The following SGCZ variants were observed in gnomAD, a reference collection of about 807,000 sequenced individuals.
The protein encoded by SGCZ is zeta-sarcoglycan.
Under a neutral mutation model 41.3 loss-of-function variants are expected in SGCZ, and 40 were observed. That is an observed-to-expected ratio of 0.97 (90% CI 0.75 to 1.26). SGCZ has a LOEUF of 1.26. Ranked by LOEUF, SGCZ falls within the 50% of genes most tolerant of loss-of-function variation. The pLI, the probability that SGCZ is intolerant of heterozygous loss-of-function variation, is 0.00. For synonymous variants in SGCZ, 206 were observed against 137.5 expected (o/e 1.50, Z -3.49); for missense variants, 552 against 369.8 (o/e 1.49, Z -4.04).
intron 5 of SGCZ, among the ~76,000 whole-genome samples, chr8:14,157,650 A>G (rs1184519549): frequency 2.0e-5 from 3 of 152,102 alleles, no homozygotes; most frequent in African/African-American, 4.8e-5. Context: ...AGTACAGGAA[A>G]TGTGAATTGT....
chr8:14,510,717 C>A (rs1475221604), intron 2 of SGCZ, among the ~76,000 whole-genome samples: 1 of 152,160 alleles, frequency 6.6e-6, no homozygotes, highest in Non-Finnish European at 1.5e-5. Context: ...GGAAAAGAAT[C>A]TGTCTCTCCT....
chr8:14,172,472 G>C (rs1804416318), intron 4 of SGCZ, among the ~76,000 whole-genome samples: 1 of 152,116 alleles, frequency 6.6e-6, no homozygotes, highest in Non-Finnish European at 1.5e-5. Flanking sequence ...AAGGATTATT[G>C]GTTAACAGCA....
intron 1 of SGCZ, among the ~76,000 whole-genome samples, chr8:14,716,657 T>G (rs541097345): frequency 6.6e-6 from 1 of 152,254 alleles, no homozygotes; most frequent in Admixed American, 6.5e-5. Flanking sequence ...GGTTTCTTGC[T>G]GCACACATTT....
Position 14,432,635 on chromosome 8 carries a change from A to C in SGCZ, c.235-108431T>G, listed in dbSNP as rs886088534. On this transcript the variant is annotated intron_variant, in intron 2 of 7. Transcript: ENST00000382080. ...AAATCCCTACTAAAGAACTTACAGCAGGGCGCATTGGCTCACGCCTGTAAT... is the reference window on the plus strand; with the variant it reads ...AAATCCCTACTAAAGAACTTACAGCCGGGCGCATTGGCTCACGCCTGTAAT... Among the ~76,000 whole-genome samples, 13 of 152,176 alleles carry C rather than the reference A, an allele frequency of 8.5e-5. No homozygotes were observed. The East Asian group carries it at 9.7e-4, about 11-fold the overall frequency.
chr8:15,016,173 C>T (rs1803025924), intron 1 of SGCZ, among the ~76,000 whole-genome samples: 1 of 152,170 alleles, frequency 6.6e-6, no homozygotes, highest in Non-Finnish European at 1.5e-5. Context: ...TGGAATTCCT[C>T]TGGAAGCGCC....
At chr8:14,593,826 T>C (rs559664066) in intron 1 of SGCZ, among the ~76,000 whole-genome samples, 1 of 152,126 alleles carries the variant, frequency 6.6e-6, no homozygotes, top group South Asian at 2.1e-4. Context: ...ATTTGAGAAG[T>C]CAGCAGTTTT....
At chr8:14,595,763 G>C (rs1185927413) in intron 1 of SGCZ, among the ~76,000 whole-genome samples, 3 of 152,118 alleles carry the variant, frequency 2.0e-5, no homozygotes, top group Non-Finnish European at 2.9e-5. Context: ...TTCCATAATA[G>C]CTTACAGGGA....
At chr8:14,808,286 G>A (rs1361459210) in intron 1 of SGCZ, among the ~76,000 whole-genome samples, 1 of 152,094 alleles carries the variant, frequency 6.6e-6, no homozygotes, top group African/African-American at 2.4e-5. Flanking sequence ...CCATCAGAGT[G>A]AACAGGCAAC....
chr8:15,038,097 A>G (rs1000753919), intron 1 of SGCZ, among the ~76,000 whole-genome samples: 2 of 3,418 alleles, frequency 5.9e-4, no homozygotes, highest in African/African-American at 6.8e-4. Flanking sequence ...ACAGAAATAT[A>G]AAAAAAAATC....
intron 1 of SGCZ, among the ~76,000 whole-genome samples, chr8:14,872,284 T>C (rs529189672): frequency 2.6e-5 from 4 of 152,230 alleles, no homozygotes; most frequent in African/African-American, 7.2e-5. Context: ...AACCTGCACA[T>C]TCTGCACATA....
intron 1 of SGCZ, among the ~76,000 whole-genome samples, chr8:14,886,027 ATAT>A (rs1804789584): frequency 8.5e-6 from 1 of 117,930 alleles, no homozygotes; most frequent in African/African-American, 3.2e-5. Context: ...ATATATATAT[ATAT>A]ATATAAAATT....
intron 1 of SGCZ, among the ~76,000 whole-genome samples, chr8:15,169,272 C>G (rs74368090): frequency 0.012 from 1,787 of 152,224 alleles, 29 homozygotes; most frequent in East Asian, 0.083. Context: ...AATGAGACAG[C>G]CAGGGAGGAG....
chr8:14,389,778 T>G (rs1386690524), intron 2 of SGCZ, among the ~76,000 whole-genome samples: 1 of 151,502 alleles, frequency 6.6e-6, no homozygotes, highest in Non-Finnish European at 1.5e-5. Context: ...ATTTTTCAAT[T>G]TAAAAAAAAT....
chr8:14,762,421 T>G (rs193173459), intron 1 of SGCZ, among the ~76,000 whole-genome samples: 2 of 152,290 alleles, frequency 1.3e-5, no homozygotes, highest in East Asian at 3.9e-4. Context: ...TCCTCATATG[T>G]GAAATGGAAA....
At position 14,215,172 on chromosome 8, in the gene SGCZ, A is replaced by C. The variant is rs541970590; in HGVS notation, c.424+22420T>G. Among the ~76,000 whole-genome samples the C allele has an allele frequency of 1.2e-4, 18 of 152,330 alleles. No homozygotes were observed. In the South Asian group the frequency reaches 3.1e-3, roughly 26 times the overall value. On this transcript the variant is annotated intron_variant, in intron 4 of 7. Transcript: ENST00000382080. The stretch of plus-strand genomic sequence containing the variant: ...TTAAAGACACAAAATATGTTTCTTG[A>C]CTATACTGAATCAAACTAGAAATCA...
intron 2 of SGCZ, among the ~76,000 whole-genome samples, chr8:14,512,685 G>C (rs1280052703): frequency 2.0e-5 from 3 of 150,822 alleles, no homozygotes; most frequent in African/African-American, 7.3e-5. Flanking sequence ...AGGCTGGTTT[G>C]AACCCCTGGT....
At chr8:14,944,402 G>C (rs1800374837) in intron 1 of SGCZ, among the ~76,000 whole-genome samples, 1 of 152,166 alleles carries the variant, frequency 6.6e-6, no homozygotes, top group African/African-American at 2.4e-5. Flanking sequence ...GATCTTCCCT[G>C]TTGGAGTATG....
chr8:14,308,628 A>G (rs1424164706), intron 3 of SGCZ, among the ~76,000 whole-genome samples: 1 of 152,020 alleles, frequency 6.6e-6, no homozygotes, highest in African/African-American at 2.4e-5. Flanking sequence ...AAAAATTTAT[A>G]AAACATCCAT....
At chr8:14,150,205 G>A (rs1274680424) in intron 5 of SGCZ, among the ~76,000 whole-genome samples, 1 of 151,914 alleles carries the variant, frequency 6.6e-6, no homozygotes, top group Non-Finnish European at 1.5e-5. Flanking sequence ...AGCTTTTGCT[G>A]TTATGATCAA....
Sources: allele counts gnomAD v4.1 joint callset (sites outside exome capture counted in the v4.1 genomes callset), GRCh38; gene constraint gnomAD v4.1.1; transcripts MANE v1.5; gene names NCBI Gene and HGNC (gene_info 2026-07-23, HGNC 2026-07-21).